Variants in DRAM1 observed in about 807,000 individuals in gnomAD.
The protein encoded by DRAM1 is DNA damage regulated autophagy modulator 1.
In DRAM1, 25 loss-of-function variants were observed where a neutral mutation model predicts 28.5. The ratio of observed to expected loss-of-function variants is 0.88; its 90% CI spans 0.64 to 1.23. The LOEUF (loss-of-function observed/expected upper bound fraction) is 1.23. DRAM1 is among the 50% of genes most tolerant of loss of function. The pLI, the probability that DRAM1 is intolerant of heterozygous loss-of-function variation, is 0.00. For missense variants in DRAM1, 249 were observed against 299.2 expected, an observed-to-expected ratio of 0.83 and a Z score of 1.24; for synonymous variants, 113 against 114.2, an observed-to-expected ratio of 0.99 and a Z score of 0.07.
intron 1 of DRAM1, among the ~76,000 whole-genome samples, chr12:101,895,197 T>G (rs1312187377): frequency 5.5e-5 from 7 of 128,312 alleles, no homozygotes; most frequent in African/African-American, 1.7e-4. Context: ...TTTTTTTTTT[T>G]TTTTTTTTTT....
chr12:101,880,278 CTTTTTTTTTTTTT>C (rs61082909), intron 1 of DRAM1, among the ~76,000 whole-genome samples: 1 of 70,096 alleles, frequency 1.4e-5, no homozygotes, highest in Admixed American at 1.9e-4. Flanking sequence ...GCAATGCTTC[CTTTTTTTTTTTTT>C]TTTTTTTTTT....
chr12:101,882,271 G>A (rs977946033), intron 1 of DRAM1, among the ~76,000 whole-genome samples: 2 of 150,520 alleles, frequency 1.3e-5, no homozygotes, highest in Non-Finnish European at 2.9e-5. Context: ...ACCCCTCCCG[G>A]CTAATTTTTT....
chr12:101,896,458 C>T (rs1484662528), intron 1 of DRAM1, among the ~76,000 whole-genome samples: 1 of 152,088 alleles, frequency 6.6e-6, no homozygotes, highest in Non-Finnish European at 1.5e-5. Context: ...TAAAGCTTGG[C>T]ACTAATAGAA....
chr12:101,884,176 C>T (rs891493374), intron 1 of DRAM1, among the ~76,000 whole-genome samples: 10 of 151,854 alleles, frequency 6.6e-5, no homozygotes, highest in Middle Eastern at 3.4e-3. Context: ...CACTTGAGTC[C>T]GGGTGTTTGA....
chr12:101,905,807 A>C (rs1873784569), intron 3 of DRAM1, among the ~76,000 whole-genome samples: 1 of 136,510 alleles, frequency 7.3e-6, no homozygotes. Context: ...ATTTTTTGAG[A>C]TGGAGTCTCG....
intron 1 of DRAM1, among the ~76,000 whole-genome samples, chr12:101,893,297 G>A (rs1198129203): frequency 6.6e-6 from 1 of 152,178 alleles, no homozygotes; most frequent in Non-Finnish European, 1.5e-5. Context: ...CCTGCCGTTT[G>A]GTAGCCCAAA....
chr12:101,897,745 A>G (rs1357147854), intron 1 of DRAM1, 118 bp from the exon 2 acceptor site: 1 of 724,580 alleles, frequency 1.4e-6, no homozygotes, highest in Non-Finnish European at 2.4e-6. Context: ...AATCTTTGGA[A>G]TTCAAAGTGG....
intron 1 of DRAM1, chr12:101,890,116 T>A (rs761187212): frequency 2.7e-5 from 12 of 450,024 alleles, no homozygotes; most frequent in South Asian, 1.4e-4. Flanking sequence ...CCTCACTCTG[T>A]CGGCCAGGCT....
intron 4 of DRAM1, among the ~76,000 whole-genome samples, chr12:101,908,951 A>G (rs992126853): frequency 6.6e-6 from 1 of 151,574 alleles, no homozygotes; most frequent in Non-Finnish European, 1.5e-5. Context: ...ATTTTTTCAG[A>G]AAAACAATTC....
intron 2 of DRAM1, among the ~76,000 whole-genome samples, chr12:101,900,024 A>G (rs1873535830): frequency 6.6e-6 from 1 of 152,238 alleles, no homozygotes; most frequent in African/African-American, 2.4e-5. Context: ...TATTTATTCA[A>G]CATTTACTAA....
chr12:101,890,567 A>G (rs963040871), intron 1 of DRAM1, among the ~76,000 whole-genome samples: 7 of 152,254 alleles, frequency 4.6e-5, no homozygotes, highest in Admixed American at 6.5e-5. Context: ...GCCTCTCTAC[A>G]GTCTTTTCAA....
At chr12:101,918,955 T>C (rs911014988) in intron 5 of DRAM1, among the ~76,000 whole-genome samples, 5 of 152,084 alleles carry the variant, frequency 3.3e-5, no homozygotes, top group Admixed American at 6.6e-5. Flanking sequence ...AGAGTCTTGC[T>C]CTGTCACCCA....
In DRAM1 at chr12:101,908,334, CTGCCGTTTCT is replaced by C. The variant is rs770877289; in HGVS notation, c.495_504del (p.Val166GlnfsTer6). 3 of 1,611,706 alleles carry C rather than the reference CTGCCGTTTCT, an allele frequency of 1.9e-6. No homozygotes were observed. Among genetic ancestry groups the C allele is most frequent in the Non-Finnish European group, 2.5e-6 (3 of 1,179,432 alleles). On this transcript the variant is annotated frameshift_variant, in exon 4 of 7. Coordinates refer to ENST00000258534, the MANE Select transcript of DRAM1 (RefSeq NM_018370.3). LOFTEE classifies it high-confidence loss of function. ...ACATGCCACATACGGATGGTCATCT[CTGCCGTTTCT>C]TGCGCAGCTGTCATCCCCAGTATCC...
rs1476972164 is a variant in DRAM1, at chr12:101,877,857, T to G, written c.68T>G (p.Phe23Cys). The change falls in exon 1 of 7, where the codon TTC (phenylalanine) becomes TGC (cysteine). Residue 23 changes from phenylalanine to cysteine, a missense_variant. By Grantham distance (205) the Phe-to-Cys change is radical (BLOSUM62 -2). Coordinates refer to ENST00000258534, the MANE Select transcript of DRAM1 (RefSeq NM_018370.3). This position sits in a 1 kb window ranked among gnomAD's most constrained non-coding sequence, Gnocchi z 4.1. ...TTGGTGACCTGGTCGTCAGCCGCCT[T>G]CATTATCTCCTACGTGGTCGCCGTG... is the stretch of plus-strand genomic sequence containing the variant. ...FLLVTWSSAA[F>C]IISYVVAVLS... is the part of the protein sequence containing the mutation. 4.5e-6 allele frequency: 7 copies of G among 1,547,620 alleles called. No homozygotes were observed. Among genetic ancestry groups the G allele is most frequent in the East Asian group, 2.5e-5 (1 of 40,792 alleles).
rs549869466 is a variant in DRAM1, at chr12:101,881,534, C to T, written c.131+3614C>T. The stretch of plus-strand genomic sequence containing the variant: ...GCTCATCACCTCCTCCTCTCCTCTA[C>T]CCCTACTCTTTGTACTTCCCTTCAA... On this transcript the variant is annotated intron_variant, in intron 1 of 6. Coordinates refer to ENST00000258534, the MANE Select transcript of DRAM1 (RefSeq NM_018370.3). Among the ~76,000 whole-genome samples the T allele has an allele frequency of 5.3e-5, 8 of 152,226 alleles. No homozygotes were observed. The South Asian group carries it at 8.3e-4, about 16-fold the overall frequency.
intron 1 of DRAM1, among the ~76,000 whole-genome samples, chr12:101,894,542 G>A (rs758434316): frequency 7.2e-5 from 11 of 152,122 alleles, no homozygotes; most frequent in Admixed American, 6.6e-5. Context: ...GTGAGCTACC[G>A]TGCCTGGCCT....
At chr12:101,916,266 A>C (rs1874239856) in intron 5 of DRAM1, among the ~76,000 whole-genome samples, 1 of 152,230 alleles carries the variant, frequency 6.6e-6, no homozygotes, top group Non-Finnish European at 1.5e-5. Context: ...TAATCCCAGC[A>C]CTTTGGGAGG....
chr12:101,909,911 T>G (rs1247794009), intron 4 of DRAM1, among the ~76,000 whole-genome samples: 9 of 152,240 alleles, frequency 5.9e-5, no homozygotes, highest in Non-Finnish European at 1.0e-4. Context: ...TAAACATTGA[T>G]GACTAATGTC....
chr12:101,914,984 C>CT (rs71094528), intron 5 of DRAM1, among the ~76,000 whole-genome samples: 50 of 135,798 alleles, frequency 3.7e-4, no homozygotes, highest in African/African-American at 1.3e-3. Flanking sequence ...TTCTTTCTTT[C>CT]TTTTTTTTTT....
Sources: allele counts gnomAD v4.1 joint callset (sites outside exome capture counted in the v4.1 genomes callset), GRCh38; gene constraint gnomAD v4.1.1; non-coding constraint Gnocchi (gnomAD v3.1); transcripts MANE v1.5; gene names NCBI Gene and HGNC (gene_info 2026-07-23, HGNC 2026-07-21).